ERN1: variants seen among roughly 807,000 people sequenced by gnomAD.
ERN1 encodes the protein endoplasmic reticulum to nucleus signaling 1, also known as serine/threonine-protein kinase/endoribonuclease IRE1.
ERN1 carries 39 observed loss-of-function variants against 113.1 expected under a neutral mutation model. The ratio of observed to expected loss-of-function variants is 0.34; its 90% CI spans 0.27 to 0.45. ERN1 has a LOEUF of 0.45. ERN1 is among the 20% of genes least tolerant of loss of function. ERN1 has a pLI of 1.00. For synonymous variants in ERN1, 507 were observed against 515.9 expected (o/e 0.98, Z 0.23); for missense variants, 976 against 1,274.8 (o/e 0.77, Z 3.57).
chr17:64,065,870 C>T (rs1342041105), intron 8 of ERN1, among the ~76,000 whole-genome samples: 2 of 152,194 alleles, frequency 1.3e-5, no homozygotes, highest in South Asian at 2.1e-4. Context: ...ATCAGGGAGA[C>T]AGAAAATGGT....
At position 64,060,621 on chromosome 17, in the gene ERN1, A is replaced by G. The variant is rs773344030; in HGVS notation, c.1088-34T>C. ...GGAAACAAAACCTTTAGTGAGAACA[A>G]TTTCCCGAGCTGTGGTGGCACTCAA... On this transcript the variant is annotated intron_variant, in intron 10 of 21. Coordinates refer to ENST00000433197, the MANE Select transcript of ERN1 (RefSeq NM_001433.5). 2.0e-6 allele frequency: 3 copies of G among 1,512,178 alleles called. No individual in the cohort carries two copies. The African/African-American group carries it at 4.1e-5, about 21-fold the overall frequency. The allele number at this position is 1,512,178 out of a possible 1,614,324, so 93.7% of individuals were successfully genotyped here.
chr17:64,076,217 T>C (rs768898832), intron 4 of ERN1, among the ~76,000 whole-genome samples: 3 of 152,252 alleles, frequency 2.0e-5, no homozygotes, highest in African/African-American at 4.8e-5. Flanking sequence ...TTCTGTGTTT[T>C]TGAAATTGTT....
chr17:64,098,447 C>T, intron 1 of ERN1: 2 of 745,412 alleles, frequency 2.7e-6, no homozygotes, highest in Non-Finnish European at 4.9e-6. Context: ...TGCCTGCAGA[C>T]AGGCAGGCTC....
Position 64,054,950 on chromosome 17 carries a change from C to T in ERN1, c.1673-122G>A, listed in dbSNP as rs971444308. 7 of 702,650 alleles carry T rather than the reference C, an allele frequency of 1.0e-5. No individual in the cohort carries two copies. The African/African-American group carries it at 1.1e-4, about 11-fold the overall frequency. The allele number at this position is 702,650 out of a possible 1,614,324, so 43.5% of individuals were successfully genotyped here. On this transcript the variant is annotated intron_variant, in intron 13 of 21. Coordinates refer to ENST00000433197, the MANE Select transcript of ERN1 (RefSeq NM_001433.5). This position sits in a 1 kb window ranked among gnomAD's most constrained non-coding sequence, Gnocchi z 4.9. ...AGATGGGATTTAAGAGGCACTGCAC[C>T]CCAGACTGCTGCTCAGCAAGAGCCT...
chr17:64,060,446 C>T (rs764205090), intron 11 of ERN1, 23 bp downstream of exon 11: 14 of 1,500,040 alleles, frequency 9.3e-6, no homozygotes, highest in Admixed American at 3.3e-5. Flanking sequence ...CAACAACCCC[C>T]GACTGGTCGC....
At chr17:64,048,245 T>C (rs768377271) in intron 18 of ERN1, among the ~76,000 whole-genome samples, 3 of 152,294 alleles carry the variant, frequency 2.0e-5, no homozygotes, top group African/African-American at 7.2e-5. Context: ...CGCTGGGCCA[T>C]GAGCTGTTAA....
Position 64,054,214 on chromosome 17 carries a change from T to C in ERN1, c.1953+36A>G, listed in dbSNP as rs1912778763. On this transcript the variant is annotated intron_variant, in intron 15 of 21. Transcript: ENST00000433197. The surrounding 1 kb of genome is among the most constrained non-coding windows in gnomAD (Gnocchi z 4.9). ...TTTGGCCTCCCAAAGTGCTATGACTTTAATAAAGTTAACAAAATAAAAAAA... is the reference window on the plus strand; with the variant it reads ...TTTGGCCTCCCAAAGTGCTATGACTCTAATAAAGTTAACAAAATAAAAAAA... 1 of 1,553,940 alleles carries C rather than the reference T, an allele frequency of 6.4e-7. No homozygotes were observed. The highest frequency in any genetic ancestry group is 8.7e-7 in the Non-Finnish European group (1 of 1,147,094).
chr17:64,072,729 G>A (rs1913459628), intron 5 of ERN1, among the ~76,000 whole-genome samples: 1 of 152,302 alleles, frequency 6.6e-6, no homozygotes. Flanking sequence ...ATTATGACAG[G>A]CAGACAGCAC....
intron 11 of ERN1, among the ~76,000 whole-genome samples, chr17:64,058,853 C>T (rs1912963567): frequency 6.6e-6 from 1 of 152,116 alleles, no homozygotes; most frequent in South Asian, 2.1e-4. Context: ...AGGTGTACCC[C>T]TCTTATTCAT....
chr17:64,114,278 A>G (rs1039462305), intron 1 of ERN1, among the ~76,000 whole-genome samples: 8 of 152,214 alleles, frequency 5.3e-5, no homozygotes, highest in Admixed American at 3.3e-4. Flanking sequence ...GACCCCAGTA[A>G]TCAATAATGA....
intron 1 of ERN1, among the ~76,000 whole-genome samples, chr17:64,101,953 A>G (rs754864821): frequency 2.0e-5 from 3 of 152,210 alleles, no homozygotes; most frequent in Non-Finnish European, 4.4e-5. Context: ...CTGGAAGAGC[A>G]ACATTCTACA....
At chr17:64,086,730 T>A (rs1449027857) in intron 2 of ERN1, among the ~76,000 whole-genome samples, 3 of 121,602 alleles carry the variant, frequency 2.5e-5, no homozygotes, top group Non-Finnish European at 4.8e-5. Context: ...ACCTGCAACC[T>A]CCACCTCCTG....
chr17:64,098,176 TC>T lies in ERN1; in HGVS notation c.119del (p.Gly40GlufsTer17). The T allele has an allele frequency of 6.2e-7, 1 of 1,613,958 alleles. No homozygotes were observed. Among genetic ancestry groups the T allele is most frequent in the Non-Finnish European group, 8.5e-7 (1 of 1,179,874 alleles). On this transcript the variant is annotated frameshift_variant, in exon 2 of 22. Transcript: ENST00000433197. LOFTEE classifies it high-confidence loss of function. ...TCCTCTTGCTGACAGCATGCAAACT[TC>T]CATCCAGCGTTGACACAAACAACAA... ...ETLLFVSTLD[G>X]SLHAVSKRTG...
Position 64,042,184 on chromosome 17 carries a change from A to T in ERN1, c.*1804T>A, listed in dbSNP as rs371057885. 4 of 152,476 alleles carry T rather than the reference A, an allele frequency of 2.6e-5. No homozygotes were observed. The highest frequency in any genetic ancestry group is 9.6e-5 in the African/African-American group (4 of 41,588). The allele number at this position is 152,476 out of a possible 1,614,324, so 9.4% of individuals were successfully genotyped here. A position where few individuals can be genotyped will look rare whatever the true frequency, so the allele number is the denominator to read the frequency against. ...GCCACCTGGCATGCGGCATGGGAGCAGCAGGAAATGCGGTCTGGCCACGTT... is the reference window on the plus strand; with the variant it reads ...GCCACCTGGCATGCGGCATGGGAGCTGCAGGAAATGCGGTCTGGCCACGTT... On this transcript the variant is annotated 3_prime_UTR_variant, in exon 22 of 22. Transcript: ENST00000433197.
At chr17:64,123,532 A>C (rs1915003589) in intron 1 of ERN1, among the ~76,000 whole-genome samples, 1 of 152,236 alleles carries the variant, frequency 6.6e-6, no homozygotes, top group Non-Finnish European at 1.5e-5. Context: ...TGATAAAAGA[A>C]AATAGCATAC....
chr17:64,067,133 C>T (rs541654986), intron 7 of ERN1: 2 of 605,820 alleles, frequency 3.3e-6, no homozygotes, highest in Non-Finnish European at 5.7e-6. Flanking sequence ...AGCTGGCTGG[C>T]GTATAAACAC....
rs144860075 is a variant in ERN1, at chr17:64,074,205, G to A, written c.355+970C>T. 1.5e-3 allele frequency among the ~76,000 whole-genome samples: 222 copies of A among 152,266 alleles called. 1 individual carries two copies. The highest frequency in any genetic ancestry group is 2.1e-3 in the Non-Finnish European group (146 of 68,030). ...AATGGGTAGATTGGGCAACTACCAT[G>A]CTCTTAAATATGTTTAATGAACTCG... On this transcript the variant is annotated intron_variant, in intron 5 of 21. Transcript: ENST00000433197.
chr17:64,107,442 C>T (rs1914559081), intron 1 of ERN1, among the ~76,000 whole-genome samples: 1 of 152,000 alleles, frequency 6.6e-6, no homozygotes, highest in Non-Finnish European at 1.5e-5. Context: ...CCACCTCAGC[C>T]TCCCGAGTAG....
chr17:64,129,812 G>T (rs1015079309), intron 1 of ERN1, 164 bp downstream of exon 1: 3 of 565,068 alleles, frequency 5.3e-6, no homozygotes, highest in Non-Finnish European at 7.9e-6. Flanking sequence ...GCCCGGTGCC[G>T]CCTCCTACGC....
Sources: gnomAD v4.1 joint callset for allele counts (sites outside exome capture counted in the v4.1 genomes callset) on GRCh38, gnomAD v4.1.1 for gene constraint, Gnocchi (gnomAD v3.1) non-coding constraint, MANE v1.5 for transcripts, NCBI Gene and HGNC (gene_info 2026-07-23, HGNC 2026-07-21) for gene names.